Variants in GRIA4 observed in about 807,000 individuals in gnomAD.
GRIA4 encodes glutamate ionotropic receptor AMPA type subunit 4.
GRIA4 carries 34 observed loss-of-function variants against 104.0 expected under a neutral mutation model. The ratio of observed to expected loss-of-function variants is 0.33; its 90% CI spans 0.25 to 0.44. The LOEUF is 0.44. Among genes scored for constraint, GRIA4 ranks in the 20% least tolerant of loss-of-function variants. GRIA4 has a pLI of 1.00. For synonymous variants in GRIA4, 386 were observed against 381.9 expected, an observed-to-expected ratio of 1.01 and a Z score of -0.13; for missense variants, 750 against 1,096.5, an observed-to-expected ratio of 0.68 and a Z score of 4.46.
chr11:105,817,817 G>T (rs1943439222), intron 4 of GRIA4, among the ~76,000 whole-genome samples: 1 of 152,086 alleles, frequency 6.6e-6, no homozygotes, highest in African/African-American at 2.4e-5. Context: ...CAGTGTACGT[G>T]CAGAACCATA....
chr11:105,910,413 A>C, intron 9 of GRIA4, 22 bp from the exon 10 acceptor site: 4 of 1,143,150 alleles, frequency 3.5e-6, no homozygotes, highest in Non-Finnish European at 5.3e-6. Flanking sequence ...ATATGTTTTC[A>C]AGCATGTTCT....
chr11:105,803,386 C>T (rs945963955), intron 4 of GRIA4, among the ~76,000 whole-genome samples: 14 of 151,900 alleles, frequency 9.2e-5, no homozygotes, highest in African/African-American at 2.9e-4. Context: ...TATTGATGTT[C>T]ACCTGTATAA....
intron 14 of GRIA4, among the ~76,000 whole-genome samples, chr11:105,948,589 C>CT (rs1383366276): frequency 2.1e-4 from 23 of 111,146 alleles, no homozygotes; most frequent in African/African-American, 2.7e-4. Context: ...CTTTTCTTTT[C>CT]TTTTTGTTTT....
intron 3 of GRIA4, among the ~76,000 whole-genome samples, chr11:105,656,142 T>C (rs1253625369): frequency 6.6e-6 from 1 of 152,200 alleles, no homozygotes; most frequent in East Asian, 1.9e-4. Context: ...TTTTGAGAAG[T>C]GTCTGTTTAT....
chr11:105,646,567 A>G (rs973734716), intron 3 of GRIA4, among the ~76,000 whole-genome samples: 5 of 152,168 alleles, frequency 3.3e-5, no homozygotes, highest in African/African-American at 1.2e-4. Context: ...ACTAACCTAA[A>G]CAGCTTGGTA....
intron 3 of GRIA4, among the ~76,000 whole-genome samples, chr11:105,704,368 C>T (rs1447266750): frequency 1.3e-5 from 2 of 151,970 alleles, no homozygotes; most frequent in African/African-American, 2.4e-5. Context: ...TGGTTAAGTA[C>T]ATGAGAGCAT....
intron 3 of GRIA4, among the ~76,000 whole-genome samples, chr11:105,726,733 A>G (rs1938236272): frequency 6.6e-6 from 1 of 152,136 alleles, no homozygotes. Flanking sequence ...GGTGATACCC[A>G]AGCAAACAGG....
chr11:105,633,131 A>T (rs990556701), intron 3 of GRIA4, among the ~76,000 whole-genome samples: 2 of 152,228 alleles, frequency 1.3e-5, no homozygotes, highest in East Asian at 3.8e-4. Context: ...GGTAACTTCT[A>T]TAGGTGCTCA....
intron 4 of GRIA4, among the ~76,000 whole-genome samples, chr11:105,807,192 T>G (rs546535955): frequency 2.0e-5 from 3 of 151,952 alleles, no homozygotes; most frequent in East Asian, 3.9e-4. Context: ...CCTAACTGCT[T>G]TCAGAGAGGG....
rs1591453277 is a variant in GRIA4 at position 105,926,674 on chromosome 11, G to A, written c.1848-67G>A. 5.9e-5 allele frequency: 55 copies of A among 928,082 alleles called. No homozygotes were observed. In the South Asian group the frequency reaches 6.6e-4, roughly 11 times the overall value. The allele number at this position is 928,082 out of a possible 1,614,324, so 57.5% of individuals were successfully genotyped here. The stretch of plus-strand genomic sequence containing the variant: ...TTTTAAATATGCATGGTGAATTGAC[G>A]GTATTTCTTTTCTTTCTCTATGTTG... On this transcript the variant is annotated intron_variant, in intron 12 of 16. Coordinates refer to ENST00000282499, the MANE Select transcript of GRIA4 (RefSeq NM_000829.4).
At chr11:105,974,518 G>A in intron 16 of GRIA4, 74 bp downstream of exon 16, 2 of 1,613,780 alleles carry the variant, frequency 1.2e-6, no homozygotes, top group Non-Finnish European at 1.7e-6. Context: ...TATAGAGAAG[G>A]TTACAACGTA....
chr11:105,962,459 T>A (rs1291669273), intron 14 of GRIA4, among the ~76,000 whole-genome samples: 2 of 152,192 alleles, frequency 1.3e-5, no homozygotes, highest in African/African-American at 2.4e-5. Flanking sequence ...CAAAAGTAAG[T>A]CTTAAATGCT....
chr11:105,741,076 A>G (rs763690538), intron 3 of GRIA4, among the ~76,000 whole-genome samples: 6 of 152,206 alleles, frequency 3.9e-5, no homozygotes, highest in African/African-American at 4.8e-5. Context: ...TGGCAGCGTA[A>G]TGGAGACAAA....
chr11:105,619,853 G>A (rs182233213), intron 3 of GRIA4, among the ~76,000 whole-genome samples: 1 of 151,942 alleles, frequency 6.6e-6, no homozygotes, highest in African/African-American at 2.4e-5. Flanking sequence ...CATCATTTTA[G>A]AAGCAGAATA....
At chr11:105,943,726 A>G (rs1020942234) in intron 14 of GRIA4, among the ~76,000 whole-genome samples, 1 of 152,104 alleles carries the variant, frequency 6.6e-6, no homozygotes, top group African/African-American at 2.4e-5. Flanking sequence ...TCTAAATATA[A>G]AGATATTGTC....
chr11:105,660,442 A>G (rs1411154909), intron 3 of GRIA4, among the ~76,000 whole-genome samples: 1 of 151,668 alleles, frequency 6.6e-6, no homozygotes, highest in East Asian at 1.9e-4. Context: ...AATACTGTAA[A>G]CAGTAAAACT....
chr11:105,619,842 T>C (rs1381829785), intron 3 of GRIA4, among the ~76,000 whole-genome samples: 1 of 151,836 alleles, frequency 6.6e-6, no homozygotes, highest in East Asian at 1.9e-4. Context: ...TTCCCTATCT[T>C]CATCATTTTA....
At chr11:105,645,136 C>A (rs1235984979) in intron 3 of GRIA4, among the ~76,000 whole-genome samples, 2 of 152,216 alleles carry the variant, frequency 1.3e-5, no homozygotes, top group East Asian at 3.9e-4. Context: ...GGTGAGAAGG[C>A]AAAGCTGAGC....
intron 4 of GRIA4, among the ~76,000 whole-genome samples, chr11:105,853,418 A>C (rs547276867): frequency 1.1e-4 from 16 of 152,138 alleles, no homozygotes; most frequent in Non-Finnish European, 2.2e-4. Flanking sequence ...CTGCTGAGAT[A>C]TGTGGGACTC....
Sources: gnomAD v4.1 joint callset for allele counts (sites outside exome capture counted in the v4.1 genomes callset) on GRCh38, gnomAD v4.1.1 for gene constraint, MANE v1.5 for transcripts, NCBI Gene and HGNC (gene_info 2026-07-23, HGNC 2026-07-21) for gene names.